ARID5B: variants seen among roughly 807,000 people sequenced by gnomAD.
The protein encoded by ARID5B is AT-rich interactive domain-containing protein 5B.
A neutral mutation model predicts 97.2 loss-of-function variants in ARID5B; 13 were observed. The observed-to-expected ratio is 0.13, with a 90% CI of 0.09 to 0.21. The LOEUF (loss-of-function observed/expected upper bound fraction) is 0.21, where lower values mean the gene tolerates loss of function less well. ARID5B is among the 10% of genes least tolerant of loss of function. The pLI is 1.00. For synonymous variants in ARID5B, 556 were observed against 570.3 expected (o/e 0.97, Z 0.36); for missense variants, 1,210 against 1,465.3 (o/e 0.83, Z 2.84).
At chr10:62,030,921 AG>A (rs1332380323) in intron 4 of ARID5B, among the ~76,000 whole-genome samples, 28 of 152,316 alleles carry the variant, frequency 1.8e-4, no homozygotes, top group African/African-American at 6.7e-4. Context: ...GAATCAGGCA[AG>A]GGCTATGCAT....
intron 4 of ARID5B, among the ~76,000 whole-genome samples, chr10:62,011,577 C>A (rs984467248): frequency 6.6e-6 from 1 of 152,154 alleles, no homozygotes. Context: ...AGTTTGGCCC[C>A]GCCACTCCCA....
At chr10:62,077,808 T>C (rs986820689) in intron 8 of ARID5B, among the ~76,000 whole-genome samples, 24 of 152,334 alleles carry the variant, frequency 1.6e-4, no homozygotes, top group African/African-American at 5.3e-4. Context: ...TAAATAACTG[T>C]ACTCTCAAGC....
intron 4 of ARID5B, among the ~76,000 whole-genome samples, chr10:62,035,253 C>T (rs896203164): frequency 1.3e-5 from 2 of 152,172 alleles, no homozygotes; most frequent in Non-Finnish European, 2.9e-5. Context: ...GCAGTCAGTG[C>T]AGTTTAACAA....
At chr10:62,040,097 G>T (rs1839616038) in intron 4 of ARID5B, among the ~76,000 whole-genome samples, 1 of 152,182 alleles carries the variant, frequency 6.6e-6, no homozygotes, top group African/African-American at 2.4e-5. Flanking sequence ...AACAAGTCAT[G>T]AAATAAATAA....
At position 62,000,636 on chromosome 10, in the gene ARID5B, A is replaced by G. The variant is rs1839065478; in HGVS notation, c.733+315A>G. ...ACTTTTCTCTCAAAAGGCTTTGTCT[A>G]TTCAAATGCTTTTTTATTTAACTAG... On this transcript the variant is annotated intron_variant, in intron 4 of 9. Transcript: ENST00000279873. The surrounding 1 kb of genome is among the most constrained non-coding windows in gnomAD (Gnocchi z 4.4). Among the ~76,000 whole-genome samples, 1 of 152,192 alleles carries G rather than the reference A, an allele frequency of 6.6e-6. No homozygotes were observed. The highest frequency in any genetic ancestry group is 6.5e-5 in the Admixed American group (1 of 15,278).
chr10:61,939,449 G>A (rs146838629), intron 2 of ARID5B, among the ~76,000 whole-genome samples: 30 of 152,210 alleles, frequency 2.0e-4, no homozygotes, highest in African/African-American at 7.2e-4. Context: ...TGATCCAGAG[G>A]AGAAACTTGC....
chr10:61,922,877 T>C (rs1464296546), intron 2 of ARID5B, among the ~76,000 whole-genome samples: 1 of 152,212 alleles, frequency 6.6e-6, no homozygotes, highest in Non-Finnish European at 1.5e-5. Flanking sequence ...TTTCTGGAAG[T>C]GTGCAGTTTG....
At chr10:62,077,218 T>C (rs1004061182) in intron 8 of ARID5B, among the ~76,000 whole-genome samples, 2 of 152,340 alleles carry the variant, frequency 1.3e-5, no homozygotes, top group Admixed American at 1.3e-4. Context: ...CCGCATAGTC[T>C]GTATCACTCA....
intron 4 of ARID5B, among the ~76,000 whole-genome samples, chr10:62,037,034 G>T (rs1564633440): frequency 6.6e-6 from 1 of 152,142 alleles, no homozygotes; most frequent in Non-Finnish European, 1.5e-5. Context: ...TCCACAATTT[G>T]TCTTGTCATG....
intron 4 of ARID5B, among the ~76,000 whole-genome samples, chr10:62,023,414 C>T (rs1006510878): frequency 1.3e-5 from 2 of 152,150 alleles, no homozygotes; most frequent in Non-Finnish European, 2.9e-5. Context: ...ACACAGAATC[C>T]TTTTGAGTCT....
chr10:62,029,646 T>TAA (rs1839469206), intron 4 of ARID5B, among the ~76,000 whole-genome samples: 1 of 152,198 alleles, frequency 6.6e-6, no homozygotes, highest in Non-Finnish European at 1.5e-5. Context: ...AAAGAGTATA[T>TAA]AATCAGCCTA....
intron 4 of ARID5B, among the ~76,000 whole-genome samples, chr10:62,018,609 C>A (rs924081341): frequency 6.8e-6 from 1 of 146,946 alleles, no homozygotes; most frequent in African/African-American, 2.5e-5. Flanking sequence ...ACCTGCCCCT[C>A]CCCCGCCCCC....
intron 4 of ARID5B, among the ~76,000 whole-genome samples, chr10:62,037,921 T>G (rs1358383141): frequency 1.3e-5 from 2 of 152,230 alleles, no homozygotes; most frequent in Non-Finnish European, 2.9e-5. Context: ...GAGATTAATC[T>G]GCCCCTAAAA....
At chr10:62,009,573 A>C (rs1839190626) in intron 4 of ARID5B, among the ~76,000 whole-genome samples, 1 of 152,186 alleles carries the variant, frequency 6.6e-6, no homozygotes, top group African/African-American at 2.4e-5. Flanking sequence ...TTGCTGAAGT[A>C]GGGGTTAGCA....
intron 4 of ARID5B, chr10:62,047,002 CTGTGTG>C (rs10569497): frequency 3.3e-4 from 50 of 150,280 alleles, no homozygotes; most frequent in Middle Eastern, 6.8e-3. Flanking sequence ...GTGTGTGTGT[CTGTGTG>C]TGTGTGTGTG....
chr10:61,953,465 G>A (rs1047889476), intron 3 of ARID5B, among the ~76,000 whole-genome samples: 7 of 151,362 alleles, frequency 4.6e-5, no homozygotes, highest in Non-Finnish European at 8.8e-5. Flanking sequence ...TTTTTTAATT[G>A]AGAATGCTCA....
At chr10:62,011,233 ATCTT>A (rs1192863341) in intron 4 of ARID5B, among the ~76,000 whole-genome samples, 2 of 152,154 alleles carry the variant, frequency 1.3e-5, no homozygotes, top group African/African-American at 2.4e-5. Context: ...AGGAGATCAA[ATCTT>A]TTAACAAGGG....
At chr10:62,018,205 C>T (rs1282365716) in intron 4 of ARID5B, among the ~76,000 whole-genome samples, 1 of 152,212 alleles carries the variant, frequency 6.6e-6, no homozygotes, top group Non-Finnish European at 1.5e-5. Context: ...GGCAGACCTC[C>T]TCTCCCTTCG....
intron 4 of ARID5B, among the ~76,000 whole-genome samples, chr10:62,012,682 G>A (rs1034199036): frequency 1.3e-5 from 2 of 152,174 alleles, no homozygotes; most frequent in African/African-American, 4.8e-5. Context: ...CATCTCATCA[G>A]TGTTATCGAT....
Sources: allele counts gnomAD v4.1 joint callset (sites outside exome capture counted in the v4.1 genomes callset), GRCh38; gene constraint gnomAD v4.1.1; non-coding constraint Gnocchi (gnomAD v3.1); transcripts MANE v1.5; gene names NCBI Gene and HGNC (gene_info 2026-07-23, HGNC 2026-07-21).